PLCH1: variants seen among roughly 807,000 people sequenced by gnomAD.
PLCH1 encodes phospholipase C eta 1.
A neutral mutation model predicts 126.7 loss-of-function variants in PLCH1; 60 were observed. That is an observed-to-expected ratio of 0.47 (90% CI 0.38 to 0.59). The LOEUF is 0.59. Among genes scored for constraint, PLCH1 ranks in the 20% least tolerant of loss-of-function variants. The pLI is 0.00. For missense variants in PLCH1, 1,723 were observed against 2,040.0 expected, an observed-to-expected ratio of 0.84 and a Z score of 2.99; for synonymous variants, 719 against 734.9, an observed-to-expected ratio of 0.98 and a Z score of 0.35.
intron 1 of PLCH1, among the ~76,000 whole-genome samples, chr3:155,707,437 C>T (rs897856219): frequency 6.6e-6 from 1 of 152,092 alleles, no homozygotes; most frequent in African/African-American, 2.4e-5. Context: ...GCCTGTAATC[C>T]CAACACTTTG....
chr3:155,492,555 G>T (rs1223648493), intron 18 of PLCH1, among the ~76,000 whole-genome samples, 174 bp downstream of exon 18: 2 of 152,194 alleles, frequency 1.3e-5, no homozygotes, highest in Non-Finnish European at 2.9e-5. Flanking sequence ...ATGATGGACA[G>T]CAGTACAGCA....
chr3:155,573,580 T>C (rs1453023234), intron 6 of PLCH1, among the ~76,000 whole-genome samples: 1 of 152,154 alleles, frequency 6.6e-6, no homozygotes, highest in Admixed American at 6.5e-5. Context: ...CTATGTAGTC[T>C]CTCATCCCCA....
intron 1 of PLCH1, among the ~76,000 whole-genome samples, chr3:155,716,087 T>C (rs1747484727): frequency 6.6e-6 from 1 of 152,246 alleles, no homozygotes; most frequent in Non-Finnish European, 1.5e-5. Flanking sequence ...TAAAAATATT[T>C]TCTGAATACT....
downstream of PLCH1, among the ~76,000 whole-genome samples, chr3:155,477,646 T>G (rs1713599686): frequency 6.6e-6 from 1 of 152,104 alleles, no homozygotes; most frequent in African/African-American, 2.4e-5. Flanking sequence ...TATGAAAAGG[T>G]GCTCAACATC....
chr3:155,460,749 A>AGATAGAT (rs948542504), intron 21 of PLCH1, among the ~76,000 whole-genome samples: 2 of 152,056 alleles, frequency 1.3e-5, no homozygotes, highest in African/African-American at 4.8e-5. Context: ...AAATACACAA[A>AGATAGAT]GATAGATGAT....
intron 1 of PLCH1, among the ~76,000 whole-genome samples, chr3:155,717,522 C>T (rs1282320756): frequency 6.6e-6 from 1 of 152,256 alleles, no homozygotes; most frequent in Non-Finnish European, 1.5e-5. Flanking sequence ...CACTCTTGCA[C>T]TCTGCACACC....
chr3:155,743,882 T>C (rs1431049219), intron 1 of PLCH1, among the ~76,000 whole-genome samples: 1 of 152,144 alleles, frequency 6.6e-6, no homozygotes, highest in African/African-American at 2.4e-5. Context: ...TACCAGGAAG[T>C]AAATGTTTTA....
At chr3:155,655,409 T>C (rs1741234752) in intron 2 of PLCH1, among the ~76,000 whole-genome samples, 1 of 147,584 alleles carries the variant, frequency 6.8e-6, no homozygotes, top group African/African-American at 2.5e-5. Context: ...CTGGCCTGGG[T>C]AACAGAGCAA....
At chr3:155,561,662 C>G (rs996120978) in intron 8 of PLCH1, among the ~76,000 whole-genome samples, 6 of 151,998 alleles carry the variant, frequency 3.9e-5, no homozygotes, top group South Asian at 2.1e-4. Context: ...AATGGGATGG[C>G]TGGGTCAAAT....
chr3:155,511,878 A>G (rs1234167597), intron 12 of PLCH1, among the ~76,000 whole-genome samples: 2 of 152,000 alleles, frequency 1.3e-5, no homozygotes, highest in African/African-American at 2.4e-5. Context: ...GGTGGGCTCC[A>G]CCCAGTTCGA....
At chr3:155,653,828 G>C (rs922878671) in intron 2 of PLCH1, among the ~76,000 whole-genome samples, 1 of 151,826 alleles carries the variant, frequency 6.6e-6, no homozygotes, top group South Asian at 2.1e-4. Flanking sequence ...TTTTTTCTCT[G>C]CTGGATTATT....
intron 17 of PLCH1, among the ~76,000 whole-genome samples, chr3:155,493,684 C>G (rs995447160): frequency 6.6e-6 from 1 of 152,190 alleles, no homozygotes; most frequent in Non-Finnish European, 1.5e-5. Flanking sequence ...CCATGCCCAG[C>G]CTATCCTTTC....
At chr3:155,474,269 C>T (rs1713418488) in intron 21 of PLCH1, among the ~76,000 whole-genome samples, 1 of 147,824 alleles carries the variant, frequency 6.8e-6, no homozygotes, top group Non-Finnish European at 1.5e-5. Flanking sequence ...GGGCGAAGGA[C>T]ATGAACAGAC....
chr3:155,481,069 G>A lies in PLCH1; in HGVS notation c.4957C>T (p.His1653Tyr), dbSNP rs1186580879. 6.2e-7 allele frequency: 1 copy of A among 1,614,114 alleles called. No homozygotes were observed. ...GIPEGACTAL[H>Y]YGHVDQFCSD... The stretch of plus-strand genomic sequence containing the variant: ...CAAAACTGGTCAACGTGGCCATAGT[G>A]AAGAGCCGTGCATGCCCCCTCTGGG... The change falls in exon 23 of 23, where the codon CAC (histidine) becomes TAC (tyrosine). Residue 1653 changes from histidine to tyrosine, a missense_variant. This residue lies in a region of PLCH1 where 947 missense variants were observed against 977.1 expected (regional missense o/e 0.97). Coordinates refer to ENST00000460012, the MANE Select transcript of PLCH1 (RefSeq NM_014996.4). The surrounding 1 kb of genome is among the most constrained non-coding windows in gnomAD (Gnocchi z 4.2).
chr3:155,650,275 G>C (rs1224504965), intron 2 of PLCH1, among the ~76,000 whole-genome samples: 2 of 152,088 alleles, frequency 1.3e-5, no homozygotes, highest in African/African-American at 2.4e-5. Context: ...GTACACACAG[G>C]AAAATACCCA....
At chr3:155,629,710 A>G (rs1169420114) in intron 2 of PLCH1, among the ~76,000 whole-genome samples, 1 of 152,082 alleles carries the variant, frequency 6.6e-6, no homozygotes, top group African/African-American at 2.4e-5. Context: ...AGACGTCTCA[A>G]ATACTCCAGC....
chr3:155,550,203 AAT>A (rs1725919857), intron 9 of PLCH1, among the ~76,000 whole-genome samples: 1 of 152,234 alleles, frequency 6.6e-6, no homozygotes, highest in Non-Finnish European at 1.5e-5. Flanking sequence ...TGGCTTTTCT[AAT>A]ATTTTGCATC....
intron 21 of PLCH1, among the ~76,000 whole-genome samples, chr3:155,471,037 G>A (rs1399986928): frequency 1.3e-5 from 2 of 150,752 alleles, no homozygotes; most frequent in Admixed American, 1.3e-4. Flanking sequence ...AAAATAACCA[G>A]CTAACATCAT....
intron 10 of PLCH1, among the ~76,000 whole-genome samples, chr3:155,537,384 A>C (rs1282066772): frequency 6.6e-6 from 1 of 152,106 alleles, no homozygotes; most frequent in East Asian, 1.9e-4. Context: ...TGAATCTAAT[A>C]GTACCTTATC....
Sources: gnomAD v4.1 joint callset for allele counts (sites outside exome capture counted in the v4.1 genomes callset) on GRCh38, gnomAD v4.1.1 for gene constraint, gnomAD v4.1.1 regional missense constraint, Gnocchi (gnomAD v3.1) non-coding constraint, MANE v1.5 for transcripts, NCBI Gene and HGNC (gene_info 2026-07-23, HGNC 2026-07-21) for gene names.